The following PTPRM variants were observed in gnomAD, a reference collection of about 807,000 sequenced individuals.
PTPRM encodes the protein protein tyrosine phosphatase receptor type M, also known as receptor-type tyrosine-protein phosphatase mu.
In PTPRM, 47 loss-of-function variants were observed where a neutral mutation model predicts 186.7. The observed-to-expected ratio is 0.25, with a 90% confidence interval of 0.20 to 0.32. The LOEUF is 0.32. Among genes scored for constraint, PTPRM ranks in the 10% least tolerant of loss-of-function variants. The pLI, the probability that PTPRM is intolerant of heterozygous loss-of-function variation, is 1.00. For synonymous variants in PTPRM, 668 were observed against 674.9 expected, an observed-to-expected ratio of 0.99 and a Z score of 0.16; for missense variants, 1,494 against 1,865.0, an observed-to-expected ratio of 0.80 and a Z score of 3.66.
intron 15 of PTPRM, 53 bp downstream of exon 15, chr18:8,244,262 T>C: frequency 2.1e-6 from 3 of 1,435,220 alleles, no homozygotes; most frequent in Non-Finnish European, 2.8e-6. Flanking sequence ...TTTGCAAGAT[T>C]CCAGGTGGTA....
chr18:7,953,714 T>C (rs1319050805), intron 6 of PTPRM, among the ~76,000 whole-genome samples: 2 of 152,162 alleles, frequency 1.3e-5, no homozygotes, highest in Admixed American at 6.5e-5. Context: ...TTAGCTGGTC[T>C]AGGAGTTTAC....
chr18:8,140,426 C>G lies in PTPRM; in HGVS notation c.2168-3221C>G, dbSNP rs114899883. On this transcript the variant is annotated intron_variant, in intron 13 of 32. Coordinates refer to ENST00000580170, the MANE Select transcript of PTPRM (RefSeq NM_001105244.2). ...CTAAATACTGCATTGGTTAATCATT[C>G]CATTTGTTTTGAGTTTTTTTGTTTG... Among the ~76,000 whole-genome samples, 418 of 126,384 alleles carry G rather than the reference C, an allele frequency of 3.3e-3. 2 individuals carry two copies. The highest frequency in any genetic ancestry group is 0.012 in the African/African-American group (402 of 32,814). The allele number at this position is 126,384 out of a possible 152,430, so 82.9% of individuals were successfully genotyped here.
At chr18:7,630,235 C>T (rs1189364328) in intron 1 of PTPRM, among the ~76,000 whole-genome samples, 1 of 152,078 alleles carries the variant, frequency 6.6e-6, no homozygotes, top group East Asian at 1.9e-4. Flanking sequence ...GGGCTCCAGA[C>T]ATCTAATGTC....
Position 8,030,646 on chromosome 18 carries a change from G to A in PTPRM, c.1133-39040G>A, listed in dbSNP as rs1600160417. Among the ~76,000 whole-genome samples the A allele has an allele frequency of 2.6e-5, 4 of 151,144 alleles. No individual in the cohort carries two copies. The South Asian group carries it at 8.4e-4, about 32-fold the overall frequency. On this transcript the variant is annotated intron_variant, in intron 7 of 32. Transcript: ENST00000580170. Reference sequence around the variant, plus strand: ...AAACGTTTTGTCTGTTCTGTGTAGAGCACAGATGGGATCCCTCACATGAGG... The same window carrying A: ...AAACGTTTTGTCTGTTCTGTGTAGAACACAGATGGGATCCCTCACATGAGG...
intron 4 of PTPRM, 34 bp downstream of exon 4, chr18:7,906,617 A>G (rs774891467): frequency 2.0e-6 from 3 of 1,471,374 alleles, no homozygotes; most frequent in Non-Finnish European, 2.9e-6. Flanking sequence ...ATTCGGGTAC[A>G]TCATTGGGGG....
chr18:8,290,950 C>T (rs1177427914), intron 19 of PTPRM, among the ~76,000 whole-genome samples: 1 of 152,068 alleles, frequency 6.6e-6, no homozygotes, highest in African/African-American at 2.4e-5. Context: ...TATTTAAAAT[C>T]TGCCCTAAAC....
At chr18:8,323,533 C>T (rs955656187) in intron 22 of PTPRM, among the ~76,000 whole-genome samples, 7 of 152,150 alleles carry the variant, frequency 4.6e-5, no homozygotes, top group South Asian at 2.1e-4. Flanking sequence ...GAGATGCACG[C>T]GTTACTTTTT....
chr18:7,778,727 G>C (rs2042712686), intron 2 of PTPRM, among the ~76,000 whole-genome samples: 1 of 152,058 alleles, frequency 6.6e-6, no homozygotes, highest in African/African-American at 2.4e-5. Flanking sequence ...TGATCCACGT[G>C]CCTCAGCCTA....
At position 7,694,164 on chromosome 18, in the gene PTPRM, C is replaced by T. The variant is rs138632284; in HGVS notation, c.74-79985C>T. On this transcript the variant is annotated intron_variant, in intron 1 of 32. Transcript: ENST00000580170. ...CCTAATGACATCTCTGTTTCTGTTA[C>T]GTTTCCCTTGTATTGTCAACTTCTC... Among the ~76,000 whole-genome samples the T allele has an allele frequency of 7.0e-4, 106 of 152,276 alleles. 1 individual carries two copies. Among genetic ancestry groups the T allele is most frequent in the African/African-American group, 2.4e-3 (101 of 41,558 alleles).
At chr18:7,642,329 C>G (rs1253825816) in intron 1 of PTPRM, among the ~76,000 whole-genome samples, 2 of 152,174 alleles carry the variant, frequency 1.3e-5, no homozygotes, top group African/African-American at 4.8e-5. Context: ...CTTTTAGGGA[C>G]AAGATGTGTT....
chr18:8,016,108 G>A (rs1480571905), intron 7 of PTPRM, among the ~76,000 whole-genome samples: 4 of 152,152 alleles, frequency 2.6e-5, no homozygotes, highest in African/African-American at 9.7e-5. Context: ...GGAAAGGGTG[G>A]ATGGATACAC....
intron 1 of PTPRM, among the ~76,000 whole-genome samples, chr18:7,632,716 C>T (rs1177629343): frequency 6.6e-6 from 1 of 152,128 alleles, no homozygotes; most frequent in Non-Finnish European, 1.5e-5. Flanking sequence ...GGCAAATTAT[C>T]TGGATTTAGG....
At chr18:8,260,817 C>T (rs962518522) in intron 19 of PTPRM, among the ~76,000 whole-genome samples, 2 of 152,186 alleles carry the variant, frequency 1.3e-5, no homozygotes, top group African/African-American at 2.4e-5. Context: ...ATTTTGAGAC[C>T]AGCCCAGCAG....
At chr18:8,192,878 A>G (rs1449773349) in intron 14 of PTPRM, among the ~76,000 whole-genome samples, 1 of 152,184 alleles carries the variant, frequency 6.6e-6, no homozygotes, top group East Asian at 1.9e-4. Flanking sequence ...CTTAACAACA[A>G]ATAGAAGAAT....
intron 1 of PTPRM, among the ~76,000 whole-genome samples, chr18:7,758,678 C>G (rs2041622607): frequency 6.6e-6 from 1 of 152,118 alleles, no homozygotes; most frequent in African/African-American, 2.4e-5. Context: ...GAATGAAGGT[C>G]TTTATTACTA....
At chr18:7,650,455 C>T (rs912364939) in intron 1 of PTPRM, among the ~76,000 whole-genome samples, 9 of 145,610 alleles carry the variant, frequency 6.2e-5, no homozygotes, top group Admixed American at 2.7e-4. Context: ...CCCCCCCCCC[C>T]CCACTGTAAT....
intron 1 of PTPRM, among the ~76,000 whole-genome samples, chr18:7,588,459 T>A (rs933743038): frequency 6.6e-6 from 1 of 152,208 alleles, no homozygotes; most frequent in Non-Finnish European, 1.5e-5. Context: ...ATTTTAATGA[T>A]CTTACTTTAT....
chr18:7,768,074 G>T (rs1034347713), intron 1 of PTPRM, among the ~76,000 whole-genome samples: 5 of 152,170 alleles, frequency 3.3e-5, no homozygotes, highest in African/African-American at 9.7e-5. Flanking sequence ...GTACCAAGGT[G>T]ACTAAGACAC....
intron 1 of PTPRM, among the ~76,000 whole-genome samples, chr18:7,698,932 A>G (rs959575848): frequency 1.3e-5 from 2 of 152,160 alleles, no homozygotes; most frequent in African/African-American, 4.8e-5. Context: ...TGAATAGCCT[A>G]TCCTTTAAAT....
Sources: gnomAD v4.1 joint callset for allele counts (sites outside exome capture counted in the v4.1 genomes callset) on GRCh38, gnomAD v4.1.1 for gene constraint, MANE v1.5 for transcripts, NCBI Gene and HGNC (gene_info 2026-07-23, HGNC 2026-07-21) for gene names.